MINK1: variants seen among roughly 807,000 people sequenced by gnomAD.
MINK1 encodes misshapen like kinase 1, also known as misshapen-like kinase 1.
A neutral mutation model predicts 178.4 loss-of-function variants in MINK1; 46 were observed. That is an observed-to-expected ratio of 0.26 (90% confidence interval 0.20 to 0.33). The LOEUF (loss-of-function observed/expected upper bound fraction) is 0.33. MINK1 is among the 10% of genes least tolerant of loss of function. MINK1 has a pLI of 1.00. For missense variants in MINK1, 1,366 were observed against 1,814.9 expected, an observed-to-expected ratio of 0.75 and a Z score of 4.49; for synonymous variants, 797 against 709.7, an observed-to-expected ratio of 1.12 and a Z score of -1.96.
intron 13 of MINK1, chr17:4,890,265 AG>A: frequency 8.1e-7 from 1 of 1,234,902 alleles, no homozygotes; most frequent in South Asian, 1.7e-5. Flanking sequence ...CGACAGCTCG[AG>A]ATCCTTCAGC....
At chr17:4,872,968 C>T (rs1916034178) in intron 1 of MINK1, among the ~76,000 whole-genome samples, 1 of 152,206 alleles carries the variant, frequency 6.6e-6, no homozygotes, top group African/African-American at 2.4e-5. Flanking sequence ...CAGCACAGCC[C>T]TGTCTCCTCC....
chr17:4,891,767 A>C, intron 16 of MINK1, 51 bp downstream of exon 16: 1 of 1,544,932 alleles, frequency 6.5e-7, no homozygotes, highest in Non-Finnish European at 8.7e-7. Flanking sequence ...AGTCATGAAG[A>C]GAAGGAGGGC....
Position 4,895,564 on chromosome 17 carries a change from G to T in MINK1, c.3229+71G>T. 2.6e-6 allele frequency: 4 copies of T among 1,548,946 alleles called. No homozygotes were observed. Among genetic ancestry groups the T allele is most frequent in the Non-Finnish European group, 3.5e-6 (4 of 1,144,154 alleles). On this transcript the variant is annotated intron_variant, in intron 26 of 31. Coordinates refer to ENST00000355280, the MANE Select transcript of MINK1 (RefSeq NM_153827.5). The surrounding 1 kb of genome is among the most constrained non-coding windows in gnomAD (Gnocchi z 4.3). ...GGCGCTGTCACCATCTTCTGCCTGG[G>T]AGGAGGGCAGGCACTGGAAGGTGGG...
chr17:4,894,443 C>A lies in MINK1; in HGVS notation c.2809-82C>A. On this transcript the variant is annotated intron_variant, in intron 23 of 31. Transcript: ENST00000355280. This position sits in a 1 kb window ranked among gnomAD's most constrained non-coding sequence, Gnocchi z 4.1. ...GACAGCGGGGGTGCCAGTTGGGGAG[C>A]TGGAGCCTGGGGAACAGCAGCAGGG... 1 of 1,518,988 alleles carries A rather than the reference C, an allele frequency of 6.6e-7. No individual in the cohort carries two copies. Among genetic ancestry groups the A allele is most frequent in the Non-Finnish European group, 8.9e-7 (1 of 1,118,354 alleles). 94.1% of individuals were successfully genotyped at this position (1,518,988 alleles called of 1,614,324 possible).
intron 1 of MINK1, among the ~76,000 whole-genome samples, chr17:4,855,639 A>G (rs1450827495): frequency 1.4e-5 from 2 of 140,902 alleles, no homozygotes; most frequent in East Asian, 4.4e-4. Context: ...GTGTGGTGGC[A>G]GGTGCCTGTA....
Position 4,844,420 on chromosome 17 carries a change from TG to T in MINK1, c.57+10782del, listed in dbSNP as rs377148993. Among the ~76,000 whole-genome samples, 652 of 152,336 alleles carry T rather than the reference TG, an allele frequency of 4.3e-3. 5 individuals are homozygous for T. The highest frequency in any genetic ancestry group is 0.015 in the African/African-American group (603 of 41,570). On this transcript the variant is annotated intron_variant, in intron 1 of 31. Transcript: ENST00000355280. Reference sequence around the variant, plus strand: ...TCTTGGTAAAGTTTTTGGAGACTTTTGGAATATGGCCTGTTTCATGGGCTGG... The same window carrying T: ...TCTTGGTAAAGTTTTTGGAGACTTTTGAATATGGCCTGTTTCATGGGCTGG...
At chr17:4,876,952 G>A (rs567285550) in intron 1 of MINK1, among the ~76,000 whole-genome samples, 4 of 152,260 alleles carry the variant, frequency 2.6e-5, no homozygotes, top group African/African-American at 4.8e-5. Context: ...AGCCAGGAGC[G>A]GTGGTGCATG....
At chr17:4,856,282 TC>T (rs1913120695) in intron 1 of MINK1, among the ~76,000 whole-genome samples, 1 of 152,140 alleles carries the variant, frequency 6.6e-6, no homozygotes, top group Non-Finnish European at 1.5e-5. Context: ...GGCAAGCATC[TC>T]GCGCTCTACT....
chr17:4,835,150 G>A (rs971250886), intron 1 of MINK1, among the ~76,000 whole-genome samples: 1 of 152,130 alleles, frequency 6.6e-6, no homozygotes, highest in Non-Finnish European at 1.5e-5. Flanking sequence ...GATTCTTAAG[G>A]TCAGCTTGGC....
rs990289057 is a variant in MINK1 at position 4,836,127 on chromosome 17, T to C, written c.57+2487T>C. On this transcript the variant is annotated intron_variant, in intron 1 of 31. Coordinates refer to ENST00000355280, the MANE Select transcript of MINK1 (RefSeq NM_153827.5). This position sits in a 1 kb window ranked among gnomAD's most constrained non-coding sequence, Gnocchi z 4.3. ...GCTAGTGTGGTCATCTCTTGTGCTA[T>C]TCCTGTCTGTTTTCCAGTGAGAAAT... 6.6e-6 allele frequency among the ~76,000 whole-genome samples: 1 copy of C among 152,194 alleles called. No homozygotes were observed. The highest frequency in any genetic ancestry group is 2.4e-5 in the African/African-American group (1 of 41,442).
In MINK1 at chr17:4,880,999, A is replaced by G; in HGVS notation, c.139A>G (p.Thr47Ala). 1.3e-6 allele frequency: 2 copies of G among 1,522,500 alleles called. No homozygotes were observed. The highest frequency in any genetic ancestry group is 1.8e-6 in the Non-Finnish European group (2 of 1,139,374). 94.3% of individuals were successfully genotyped at this position (1,522,500 alleles called of 1,614,324 possible). The change falls in exon 3 of 32, where the codon ACG becomes GCG. Residue 47 changes from threonine (T) to alanine (A), a missense_variant. Around this residue, in one of 14 missense-constraint regions of MINK1, gnomAD observed 109 missense variants for 369.4 expected, o/e 0.30. Coordinates refer to ENST00000355280, the MANE Select transcript of MINK1 (RefSeq NM_153827.5). Reference sequence around the variant, plus strand: ...TGTCCCGCAGGGTCGGCATGTCAAGACGGGGCAGCTGGCTGCCATCAAGGT... The same window carrying G: ...TGTCCCGCAGGGTCGGCATGTCAAGGCGGGGCAGCTGGCTGCCATCAAGGT... Reference protein sequence around the residue: ...GQVYKGRHVKTGQLAAIKVMD... With the variant: ...GQVYKGRHVKAGQLAAIKVMD...
chr17:4,892,849 G>T, intron 19 of MINK1, 81 bp downstream of exon 19: 2 of 1,426,528 alleles, frequency 1.4e-6, no homozygotes, highest in Non-Finnish European at 1.9e-6. Context: ...GCTTTGGACT[G>T]GGGCACCCAC....
intron 1 of MINK1, among the ~76,000 whole-genome samples, chr17:4,852,681 T>G (rs1912176598): frequency 1.4e-5 from 2 of 137,940 alleles, no homozygotes; most frequent in Non-Finnish European, 3.1e-5. Flanking sequence ...GATATTCAGC[T>G]GTACAGCAGT....
In MINK1 at chr17:4,893,419, G is replaced by A. The variant is rs768894748; in HGVS notation, c.2401-15G>A. ...CCCAGCTTCTCCCTGCCCCTCACGTGGCTCCTCCCTGCAGGACTTTGTGTT... is the reference window on the plus strand; with the variant it reads ...CCCAGCTTCTCCCTGCCCCTCACGTAGCTCCTCCCTGCAGGACTTTGTGTT... On this transcript the variant is annotated splice_polypyrimidine_tract_variant and intron_variant, in intron 20 of 31. Coordinates refer to ENST00000355280, the MANE Select transcript of MINK1 (RefSeq NM_153827.5). 1.3e-6 allele frequency: 2 copies of A among 1,599,002 alleles called. No individual in the cohort carries two copies. The highest frequency in any genetic ancestry group is 1.7e-5 in the Admixed American group (1 of 59,686).
At chr17:4,889,917 TCAACCC>T in intron 13 of MINK1, 154 bp downstream of exon 13, 1 of 633,346 alleles carries the variant, frequency 1.6e-6, no homozygotes, top group Non-Finnish European at 2.7e-6. Flanking sequence ...CTCCCACCCT[TCAACCC>T]CAACCCTGAC....
chr17:4,884,862 T>G (rs780137193), intron 5 of MINK1, 50 bp from the exon 6 acceptor site: 1 of 1,541,392 alleles, frequency 6.5e-7, no homozygotes, highest in Non-Finnish European at 8.9e-7. Flanking sequence ...ACTTACTCTT[T>G]CCTACCCCAT....
intron 4 of MINK1, among the ~76,000 whole-genome samples, chr17:4,884,139 T>C (rs1292670872): frequency 2.0e-5 from 3 of 151,912 alleles, no homozygotes; most frequent in African/African-American, 7.3e-5. Flanking sequence ...AGTGCTGGGA[T>C]TACAGGCATG....
At chr17:4,842,017 C>G (rs997659675) in intron 1 of MINK1, among the ~76,000 whole-genome samples, 4 of 151,850 alleles carry the variant, frequency 2.6e-5, no homozygotes, top group Admixed American at 6.6e-5. Flanking sequence ...GTCAGGAGAT[C>G]GAGACCATCC....
intron 1 of MINK1, among the ~76,000 whole-genome samples, chr17:4,851,791 A>T (rs1401854310): frequency 6.6e-6 from 1 of 152,136 alleles, no homozygotes; most frequent in African/African-American, 2.4e-5. Flanking sequence ...ACCTGAGGTC[A>T]GGAGTTCAAG....
Sources: allele counts gnomAD v4.1 joint callset (sites outside exome capture counted in the v4.1 genomes callset), GRCh38; gene constraint gnomAD v4.1.1; regional missense constraint gnomAD v4.1.1; non-coding constraint Gnocchi (gnomAD v3.1); transcripts MANE v1.5; gene names NCBI Gene and HGNC (gene_info 2026-07-23, HGNC 2026-07-21).